The following SOX5 variants were observed in gnomAD, a reference collection of about 807,000 sequenced individuals.
SOX5 encodes the protein transcription factor SOX-5.
In SOX5, 9 loss-of-function variants were observed where a neutral mutation model predicts 92.0. That is an observed-to-expected ratio of 0.10 (90% CI 0.06 to 0.17). The LOEUF (loss-of-function observed/expected upper bound fraction) is 0.17, where lower values mean the gene tolerates loss of function less well. Ranked by LOEUF, SOX5 falls within the 10% of genes least tolerant of loss-of-function variation. The pLI, the probability that SOX5 is intolerant of heterozygous loss-of-function variation, is 1.00. For missense variants in SOX5, 642 were observed against 944.5 expected, an observed-to-expected ratio of 0.68 and a Z score of 4.20; for synonymous variants, 344 against 336.3, an observed-to-expected ratio of 1.02 and a Z score of -0.25.
rs374502337 is a variant in SOX5, at chr12:24,096,221, A to G, written c.-2+117122T>C. On this transcript the variant is annotated intron_variant, in intron 4 of 4. Coordinates refer to the SOX5 transcript ENST00000446891. ...CCGTGGTGGTTTGCTGCACCCATCA[A>G]CCCATCATCGACATTGGGTATTTCT... 2.0e-5 allele frequency among the ~76,000 whole-genome samples: 3 copies of G among 152,092 alleles called. No individual in the cohort carries two copies. In the East Asian group the frequency reaches 5.8e-4, roughly 29 times the overall value.
chr12:24,144,131 A>G (rs901534509), intron 4 of SOX5, among the ~76,000 whole-genome samples: 1 of 152,190 alleles, frequency 6.6e-6, no homozygotes, highest in Admixed American at 6.5e-5. Context: ...GCATGACAGC[A>G]GATTTCTCAT....
At chr12:24,449,619 A>C (rs1050846784) in intron 1 of SOX5, among the ~76,000 whole-genome samples, 2 of 152,248 alleles carry the variant, frequency 1.3e-5, no homozygotes, top group Admixed American at 6.5e-5. Flanking sequence ...GACCCAAAAC[A>C]GGGCCTGGAA....
At chr12:24,207,845 C>T (rs752090798) in intron 4 of SOX5, among the ~76,000 whole-genome samples, 4 of 152,124 alleles carry the variant, frequency 2.6e-5, no homozygotes, top group Non-Finnish European at 4.4e-5. Flanking sequence ...ATAGCTGCAT[C>T]GTCAACTCTC....
chr12:23,905,311 T>C (rs1019590311), intron 1 of SOX5, among the ~76,000 whole-genome samples: 3 of 152,224 alleles, frequency 2.0e-5, no homozygotes, highest in Non-Finnish European at 4.4e-5. Flanking sequence ...CTTCCTTTGC[T>C]ACCTTGTTTT....
chr12:24,407,801 T>C (rs1566090649), intron 1 of SOX5, among the ~76,000 whole-genome samples: 1 of 152,190 alleles, frequency 6.6e-6, no homozygotes, highest in Non-Finnish European at 1.5e-5. Context: ...GCCTGTTTCA[T>C]TTACTTTTGA....
intron 4 of SOX5, among the ~76,000 whole-genome samples, chr12:24,081,446 T>G (rs1181869360): frequency 1.3e-5 from 2 of 151,992 alleles, no homozygotes; most frequent in East Asian, 3.9e-4. Flanking sequence ...GGAGCAGTTT[T>G]AAATTGCTAA....
chr12:24,440,194 G>A (rs889426324), intron 1 of SOX5, among the ~76,000 whole-genome samples: 12 of 152,142 alleles, frequency 7.9e-5, no homozygotes, highest in Non-Finnish European at 1.6e-4. Context: ...ATTTGGATGG[G>A]TGCCTCAGAG....
chr12:23,636,100 G>A (rs1049612969), intron 8 of SOX5, among the ~76,000 whole-genome samples: 3 of 152,154 alleles, frequency 2.0e-5, no homozygotes, highest in Admixed American at 6.5e-5. Flanking sequence ...TAGTCAACAA[G>A]CAGTTGGCTA....
At chr12:24,265,300 AT>A (rs1007929817) in intron 3 of SOX5, among the ~76,000 whole-genome samples, 1 of 152,210 alleles carries the variant, frequency 6.6e-6, no homozygotes, top group African/African-American at 2.4e-5. Flanking sequence ...TAATCTTAAC[AT>A]TTTGGTAAGT....
At chr12:24,504,570 T>C (rs746628777) in intron 1 of SOX5, among the ~76,000 whole-genome samples, 7 of 152,276 alleles carry the variant, frequency 4.6e-5, no homozygotes, top group South Asian at 4.1e-4. Context: ...TTAAAATATA[T>C]GTACATTATT....
intron 4 of SOX5, among the ~76,000 whole-genome samples, chr12:24,043,061 T>C (rs1956666845): frequency 6.6e-6 from 1 of 152,180 alleles, no homozygotes; most frequent in Non-Finnish European, 1.5e-5. Flanking sequence ...ATGCTTCCCA[T>C]CAAAGCCTGA....
At chr12:24,407,678 G>C (rs2069076882) in intron 1 of SOX5, 1 of 152,206 alleles carries the variant, frequency 6.6e-6, no homozygotes, top group African/African-American at 2.4e-5. Flanking sequence ...ATTGCAATAA[G>C]CTGAGTGTGA....
intron 4 of SOX5, among the ~76,000 whole-genome samples, chr12:24,200,025 G>GA (rs537216494): frequency 4.6e-5 from 7 of 151,990 alleles, no homozygotes; most frequent in African/African-American, 1.5e-4. Flanking sequence ...AAAACTGGGG[G>GA]AAAAATATCA....
chr12:24,145,119 A>G (rs986419465), intron 4 of SOX5, among the ~76,000 whole-genome samples: 35 of 152,080 alleles, frequency 2.3e-4, no homozygotes, highest in Non-Finnish European at 4.1e-4. Context: ...AAAAATAAAG[A>G]AATAAAAAGG....
intron 3 of SOX5, among the ~76,000 whole-genome samples, chr12:23,762,981 ACT>A (rs1350847817): frequency 6.6e-6 from 1 of 152,014 alleles, no homozygotes; most frequent in African/African-American, 2.4e-5. Context: ...ATAGACTACA[ACT>A]CTTTGTTTTG....
At chr12:23,780,644 G>C (rs2095258797) in intron 3 of SOX5, among the ~76,000 whole-genome samples, 1 of 152,048 alleles carries the variant, frequency 6.6e-6, no homozygotes, top group South Asian at 2.1e-4. Context: ...CAAGCACACA[G>C]AGTAAGTGAA....
At chr12:24,202,061 TACAA>T (rs1161082679) in intron 4 of SOX5, among the ~76,000 whole-genome samples, 6 of 152,180 alleles carry the variant, frequency 3.9e-5, no homozygotes, top group African/African-American at 1.2e-4. Context: ...TGTGAATAAT[TACAA>T]ACAGTCTTGC....
chr12:24,363,878 G>A (rs1291785543), intron 2 of SOX5, among the ~76,000 whole-genome samples: 2 of 152,210 alleles, frequency 1.3e-5, no homozygotes, highest in East Asian at 3.8e-4. Context: ...AATGTGGCAA[G>A]AGCCCAAATC....
intron 4 of SOX5, among the ~76,000 whole-genome samples, chr12:23,747,124 A>G (rs1430637512): frequency 6.6e-6 from 1 of 151,968 alleles, no homozygotes; most frequent in East Asian, 1.9e-4. Context: ...CCATCCATAC[A>G]TTGCTTAGTC....
Sources: gnomAD v4.1 joint callset for allele counts (sites outside exome capture counted in the v4.1 genomes callset) on GRCh38, gnomAD v4.1.1 for gene constraint, MANE v1.5 for transcripts, NCBI Gene and HGNC (gene_info 2026-07-23, HGNC 2026-07-21) for gene names.